The following LARGE1 variants were observed in gnomAD, a reference collection of about 807,000 sequenced individuals.
LARGE1 encodes the protein LARGE xylosyl- and glucuronyltransferase 1, also known as xylosyl- and glucuronyltransferase LARGE1.
Under a neutral mutation model 87.6 loss-of-function variants are expected in LARGE1, and 43 were observed. The ratio of observed to expected loss-of-function variants is 0.49; its 90% CI spans 0.38 to 0.63. The LOEUF (loss-of-function observed/expected upper bound fraction) is 0.63, where lower values mean the gene tolerates loss of function less well. LARGE1 is among the 30% of genes least tolerant of loss of function. The pLI is 0.00. For missense variants in LARGE1, 802 were observed against 1,000.2 expected (o/e 0.80, Z 2.67); for synonymous variants, 434 against 394.6 (o/e 1.10, Z -1.18).
chr22:33,732,367 C>A (rs950991336), intron 2 of LARGE1: 2 of 152,196 alleles, frequency 1.3e-5, no homozygotes, highest in African/African-American at 4.8e-5. Context: ...GGCCAGGAAG[C>A]CTGTGGATGC....
chr22:33,583,682 T>C (rs1211225369), intron 5 of LARGE1, among the ~76,000 whole-genome samples: 3 of 152,170 alleles, frequency 2.0e-5, no homozygotes, highest in Non-Finnish European at 2.9e-5. Flanking sequence ...CACTATAAAA[T>C]GAAAGTTCAA....
chr22:33,419,256 T>C (rs2066609064), intron 7 of LARGE1, among the ~76,000 whole-genome samples: 1 of 151,926 alleles, frequency 6.6e-6, no homozygotes, highest in Admixed American at 6.6e-5. Context: ...ATAATGCAAT[T>C]GCCTCCCATC....
intron 1 of LARGE1, among the ~76,000 whole-genome samples, chr22:33,852,312 T>G (rs1448750443): frequency 6.8e-6 from 1 of 146,908 alleles, no homozygotes; most frequent in Non-Finnish European, 1.5e-5. Context: ...CCAGATGAAG[T>G]TTTTTTTTTC....
At chr22:33,604,876 T>C (rs1200001043) in intron 4 of LARGE1, among the ~76,000 whole-genome samples, 1 of 152,104 alleles carries the variant, frequency 6.6e-6, no homozygotes, top group Non-Finnish European at 1.5e-5. Context: ...GTAGAGCATG[T>C]GTTAACAATT....
At chr22:33,315,186 T>G (rs1048543622) in intron 11 of LARGE1, among the ~76,000 whole-genome samples, 2 of 152,190 alleles carry the variant, frequency 1.3e-5, no homozygotes, top group African/African-American at 4.8e-5. Flanking sequence ...CAGCCCTGGC[T>G]ACACGTTATA....
At chr22:33,596,356 CCATTCTGTGATCTTGCCCT>C (rs1359850862) in intron 5 of LARGE1, among the ~76,000 whole-genome samples, 1 of 152,204 alleles carries the variant, frequency 6.6e-6, no homozygotes, top group East Asian at 1.9e-4. Context: ...TTTTCCATGT[CCATTCTGTGATCTTGCCCT>C]CATTGTGTGA....
chr22:33,126,552 T>C, the LARGE1 span, among the ~76,000 whole-genome samples: 1 of 152,330 alleles, frequency 6.6e-6, no homozygotes, highest in East Asian at 1.9e-4. Context: ...GTCTAGGTGG[T>C]ATATTGAAGA....
chr22:33,920,259 C>T lies in LARGE1; in HGVS notation c.-347G>A, dbSNP rs2065907235. The T allele has an allele frequency of 6.5e-6, 1 of 152,794 alleles. No homozygotes were observed. Among genetic ancestry groups the T allele is most frequent in the South Asian group, 2.1e-4 (1 of 4,846 alleles). The allele number at this position is 152,794 out of a possible 1,614,324, so 9.5% of individuals were successfully genotyped here. A position where few individuals can be genotyped will look rare whatever the true frequency, so the allele number is the denominator to read the frequency against. ...GGAGCTGCTCCCGGCCCGGGGGACT[C>T]TTCCGAGCCAGGGGCGCCCCGCATG... On this transcript the variant is annotated 5_prime_UTR_variant, in exon 1 of 15. Coordinates refer to ENST00000397394, the MANE Select transcript of LARGE1 (RefSeq NM_133642.5).
the LARGE1 span, among the ~76,000 whole-genome samples, chr22:33,148,544 G>T: frequency 2.0e-5 from 3 of 152,112 alleles, no homozygotes; most frequent in African/African-American, 2.4e-5. Flanking sequence ...ATATTCATGC[G>T]CAAGTTTTGT....
intron 6 of LARGE1, among the ~76,000 whole-genome samples, chr22:33,466,370 C>CT (rs2068608868): frequency 1.0e-4 from 15 of 144,588 alleles, no homozygotes; most frequent in African/African-American, 3.8e-4. Context: ...TTTTCTCTTG[C>CT]CTCTCTCTCT....
At chr22:33,799,930 G>A (rs942884890) in intron 1 of LARGE1, among the ~76,000 whole-genome samples, 1 of 152,150 alleles carries the variant, frequency 6.6e-6, no homozygotes, top group Non-Finnish European at 1.5e-5. Flanking sequence ...GACCATGTGT[G>A]CTCACATGTG....
At chr22:33,829,370 T>A (rs2062900133) in intron 1 of LARGE1, among the ~76,000 whole-genome samples, 1 of 152,052 alleles carries the variant, frequency 6.6e-6, no homozygotes, top group African/African-American at 2.4e-5. Flanking sequence ...AGAGAGCCTC[T>A]GACCCCACTA....
chr22:33,696,263 C>CTTTCTTTCTTTCT (rs1192003846), intron 2 of LARGE1, among the ~76,000 whole-genome samples: 2 of 61,656 alleles, frequency 3.2e-5, no homozygotes. Flanking sequence ...TTCTTTCTTT[C>CTTTCTTTCTTTCT]TTTTTTTTTT....
intron 12 of LARGE1, among the ~76,000 whole-genome samples, chr22:33,288,314 C>A (rs1474176904): frequency 2.0e-5 from 3 of 152,184 alleles, no homozygotes; most frequent in African/African-American, 7.2e-5. Flanking sequence ...AACTGAGTTT[C>A]CCAGAGAAGA....
At chr22:33,619,159 C>T (rs960641055) in intron 4 of LARGE1, among the ~76,000 whole-genome samples, 1 of 152,126 alleles carries the variant, frequency 6.6e-6, no homozygotes, top group African/African-American at 2.4e-5. Context: ...GAGACAAGAA[C>T]CCAGACCTAG....
At position 33,868,893 on chromosome 22, in the gene LARGE1, G is replaced by A. The variant is rs1054751318; in HGVS notation, c.-83+51102C>T. Reference sequence around the variant, plus strand: ...GGGGTTGCAAGGTACACGGATTCACGGCAAAACTAAATGGGCAGCCACTAG... The same window carrying A: ...GGGGTTGCAAGGTACACGGATTCACAGCAAAACTAAATGGGCAGCCACTAG... On this transcript the variant is annotated intron_variant, in intron 1 of 14. Coordinates refer to ENST00000397394, the MANE Select transcript of LARGE1 (RefSeq NM_133642.5). Among the ~76,000 whole-genome samples the A allele has an allele frequency of 2.6e-5, 4 of 152,178 alleles. No individual in the cohort carries two copies. The South Asian group carries it at 6.2e-4, about 24-fold the overall frequency.
chr22:33,175,698 AG>A (rs1403447751), intron 11 of LARGE1, among the ~76,000 whole-genome samples: 1 of 152,260 alleles, frequency 6.6e-6, no homozygotes, highest in East Asian at 1.9e-4. Flanking sequence ...ATGGATAGGA[AG>A]AATCAATATC....
At chr22:33,175,632 C>T (rs1001960132) in intron 11 of LARGE1, among the ~76,000 whole-genome samples, 1 of 152,084 alleles carries the variant, frequency 6.6e-6, no homozygotes, top group Non-Finnish European at 1.5e-5. Context: ...GAACTACAAA[C>T]CACTGCTCAA....
intron 11 of LARGE1, 135 bp downstream of exon 11, chr22:33,315,950 A>G: frequency 9.7e-7 from 1 of 1,032,870 alleles, no homozygotes; most frequent in South Asian, 1.4e-5. Context: ...TTCTAAGCCC[A>G]TGTGCCATCT....
Sources: allele counts gnomAD v4.1 joint callset (sites outside exome capture counted in the v4.1 genomes callset), GRCh38; gene constraint gnomAD v4.1.1; transcripts MANE v1.5; gene names NCBI Gene and HGNC (gene_info 2026-07-23, HGNC 2026-07-21).